TPSB2: variants seen among roughly 807,000 people sequenced by gnomAD.
The protein encoded by TPSB2 is tryptase beta-2.
Under a neutral mutation model 19.8 loss-of-function variants are expected in TPSB2, and 13 were observed. That is an observed-to-expected ratio of 0.66 (90% CI 0.43 to 1.04). The LOEUF (loss-of-function observed/expected upper bound fraction) is 1.04, where lower values mean the gene tolerates loss of function less well. Among genes scored for constraint, TPSB2 ranks in the 50% least tolerant of loss-of-function variants. The probability of loss-of-function intolerance (pLI) is 0.00; values close to 1 mark genes in which losing one functional copy is unlikely to be tolerated. For synonymous variants in TPSB2, 78 were observed against 116.4 expected (o/e 0.67, Z 2.12); for missense variants, 196 against 259.9 (o/e 0.75, Z 1.69).
At position 1,228,680 on chromosome 16, in the gene TPSB2, C is replaced by G. The variant is rs780498766; in HGVS notation, c.798G>C (p.Trp266Cys). 6.9e-6 allele frequency: 11 copies of G among 1,602,206 alleles called. No individual in the cohort carries two copies. The highest frequency in any genetic ancestry group is 2.6e-6 in the Non-Finnish European group (3 of 1,176,178). The change falls in exon 6 of 6, where the codon TGG becomes TGC. Residue 266 changes from tryptophan (W) to cysteine (C), a missense_variant. Trp to Cys is a radical substitution (Grantham distance 215). This residue lies in a region of TPSB2 where 109 missense variants were observed against 110.2 expected (regional missense o/e 0.99). Coordinates refer to ENST00000606293, the MANE Select transcript of TPSB2 (RefSeq NM_024164.6). The stretch of plus-strand genomic sequence containing the variant: ...GCTTTTTGGGGACATAGTGGTGGAT[C>G]CAGTCCAAGTAGTAGGTGACACGGG... Reference protein sequence around the residue: ...IYTRVTYYLDWIHHYVPKKP With the variant: ...IYTRVTYYLDCIHHYVPKKP
Position 1,228,972 on chromosome 16 carries a change from G to T in TPSB2, c.591C>A (p.Tyr197Ter). The T allele has an allele frequency of 2.0e-6, 1 of 489,168 alleles. No individual in the cohort carries two copies. The highest frequency in any genetic ancestry group is 2.1e-5 in the South Asian group (1 of 46,530). The allele number at this position is 489,168 out of a possible 1,614,324, so 30.3% of individuals were successfully genotyped here. ...ICDAKYHLGA[Y>*]TGDDVRIVRD... ...GGACGATGCGGACGTCGTCTCCCGT[G>T]TAGGCGCCAAGGTGGTATTTTGCGT... is the stretch of plus-strand genomic sequence containing the variant. Residue 197 changes from tyrosine (Y) to a stop codon, truncating the protein, a stop_gained, in exon 5 of 6, where the codon TAC (tyrosine) becomes TAA (stop). Coordinates refer to ENST00000606293, the MANE Select transcript of TPSB2 (RefSeq NM_024164.6). LOFTEE classifies it high-confidence loss of function.
chr16:1,229,642 G>C lies in TPSB2; in HGVS notation c.157C>G (p.Arg53Gly), dbSNP rs771612604. 3.1e-6 allele frequency: 5 copies of C among 1,604,322 alleles called. No homozygotes were observed. The highest frequency in any genetic ancestry group is 2.8e-5 in the African/African-American group (2 of 70,726). ...PWQVSLRVRD[R>G]YWMHFCGGSL... ...CCCCCGCAGAAGTGCATCCAGTATCGGTCGCGGACTCTCAGGCTCACCTGC... is the reference window on the plus strand; with the variant it reads ...CCCCCGCAGAAGTGCATCCAGTATCCGTCGCGGACTCTCAGGCTCACCTGC... Residue 53 changes from arginine (R) to glycine (G), a missense_variant, in exon 3 of 6, where the codon CGA (arginine) becomes GGA (glycine). Arg to Gly is a moderately radical substitution (Grantham distance 125). Coordinates refer to ENST00000606293, the MANE Select transcript of TPSB2 (RefSeq NM_024164.6).
chr16:1,229,305 C>A lies in TPSB2; in HGVS notation c.385G>T (p.Glu129Ter). The A allele has an allele frequency of 2.1e-6, 1 of 483,396 alleles. No homozygotes were observed. Among genetic ancestry groups the A allele is most frequent in the Non-Finnish European group, 3.0e-6 (1 of 332,910 alleles). The allele number at this position is 483,396 out of a possible 1,614,324, so 29.9% of individuals were successfully genotyped here. A position where few individuals can be genotyped will look rare whatever the true frequency, so the allele number is the denominator to read the frequency against. Residue 129 changes from glutamate (E) to a stop codon, truncating the protein, a stop_gained, in exon 4 of 6, where the codon GAG (glutamate) becomes TAG (stop). Coordinates refer to ENST00000606293, the MANE Select transcript of TPSB2 (RefSeq NM_024164.6). LOFTEE classifies it high-confidence loss of function. ...GADIALLELE[E>*]PVNVSSHVHT... ...ACGTGGCTGGAGACGTTCACCGGCT[C>A]CTCCAGCTCCAGCAGGGCGATGTCC...
In TPSB2 at chr16:1,229,751, C is replaced by G; in HGVS notation, c.62-14G>C. Reference sequence around the variant, plus strand: ...CCTGGCCTGGGGCTGGGGCAGGTGCCAGGTCAGGACCAGGAAGCAGCCCCA... The same window carrying G: ...CCTGGCCTGGGGCTGGGGCAGGTGCGAGGTCAGGACCAGGAAGCAGCCCCA... On this transcript the variant is annotated splice_polypyrimidine_tract_variant and intron_variant, in intron 2 of 5. Coordinates refer to ENST00000606293, the MANE Select transcript of TPSB2 (RefSeq NM_024164.6). 6.4e-7 allele frequency: 1 copy of G among 1,558,318 alleles called. No individual in the cohort carries two copies. Among genetic ancestry groups the G allele is most frequent in the Non-Finnish European group, 8.6e-7 (1 of 1,158,786 alleles).
At position 1,228,891 on chromosome 16, in the gene TPSB2, G is replaced by A. The variant is rs1247570423; in HGVS notation, c.663+9C>T. 3.8e-6 allele frequency: 1 copy of A among 264,456 alleles called. No homozygotes were observed. The highest frequency in any genetic ancestry group is 6.3e-6 in the Non-Finnish European group (1 of 158,704). The allele number at this position is 264,456 out of a possible 1,614,324, so 16.4% of individuals were successfully genotyped here. ...GGGGGGCGGGGGGCGGGGGACAGGCGGGGCCCACCTGGCATGAGTCCCTCC... is the reference window on the plus strand; with the variant it reads ...GGGGGGCGGGGGGCGGGGGACAGGCAGGGCCCACCTGGCATGAGTCCCTCC... On this transcript the variant is annotated intron_variant, in intron 5 of 5. Coordinates refer to ENST00000606293, the MANE Select transcript of TPSB2 (RefSeq NM_024164.6).
chr16:1,228,615 T>G lies in TPSB2; in HGVS notation c.*35A>C. 1 of 1,225,022 alleles carries G rather than the reference T, an allele frequency of 8.2e-7. No individual in the cohort carries two copies. Among genetic ancestry groups the G allele is most frequent in the Non-Finnish European group, 1.2e-6 (1 of 862,518 alleles). 75.9% of individuals were successfully genotyped at this position (1,225,022 alleles called of 1,614,324 possible). A position where few individuals can be genotyped will look rare whatever the true frequency, so the allele number is the denominator to read the frequency against. On this transcript the variant is annotated 3_prime_UTR_variant, in exon 6 of 6. Coordinates refer to ENST00000606293, the MANE Select transcript of TPSB2 (RefSeq NM_024164.6). Reference sequence around the variant, plus strand: ...GGTGTTTTGAACAGGAGGGGCTGGCTCTCCAGTGACCCAGGTGGACACCCC... The same window carrying G: ...GGTGTTTTGAACAGGAGGGGCTGGCGCTCCAGTGACCCAGGTGGACACCCC...
Position 1,229,648 on chromosome 16 carries a change from G to A in TPSB2, c.151C>T (p.Arg51Cys), listed in dbSNP as rs762374324. Residue 51 changes from arginine to cysteine, a missense_variant, in exon 3 of 6, where the codon CGC (arginine) becomes TGC (cysteine). This residue lies in a region of TPSB2 where 72 missense variants were observed against 80.5 expected (regional missense o/e 0.89). Transcript: ENST00000606293. ...KWPWQVSLRVRDRYWMHFCGG... is the reference protein window; with the variant it reads ...KWPWQVSLRVCDRYWMHFCGG... The stretch of plus-strand genomic sequence containing the variant: ...CAGAAGTGCATCCAGTATCGGTCGC[G>A]GACTCTCAGGCTCACCTGCCAGGGC... The A allele has an allele frequency of 1.1e-5, 18 of 1,604,902 alleles. No individual in the cohort carries two copies. The highest frequency in any genetic ancestry group is 2.8e-5 in the African/African-American group (2 of 71,060).
Position 1,228,650 on chromosome 16 carries a change from T to A in TPSB2, c.828A>T (p.Ter276CysextTer51). The A allele has an allele frequency of 2.5e-6, 4 of 1,602,818 alleles. No individual in the cohort carries two copies. Among genetic ancestry groups the A allele is most frequent in the Non-Finnish European group, 3.4e-6 (4 of 1,176,516 alleles). ...CCCAGGTGGACACCCCAGGCCTGAC[T>A]CACGGCTTTTTGGGGACATAGTGGT... ...WIHHYVPKKP[*>C] The change falls in exon 6 of 6, where the codon TGA becomes TGT. Residue 276 changes from the stop codon to cysteine (C), a stop_lost. Transcript: ENST00000606293.
Position 1,228,916 on chromosome 16 carries a change from C to T in TPSB2, c.647G>A (p.Arg216Gln), listed in dbSNP as rs539743702. 0.089 allele frequency: 30,473 copies of T among 343,770 alleles called. 453 individuals are homozygous for T. The highest frequency in any genetic ancestry group is 0.096 in the Non-Finnish European group (19,638 of 205,036). 21.3% of individuals were successfully genotyped at this position (343,770 alleles called of 1,614,324 possible). A position where few individuals can be genotyped will look rare whatever the true frequency, so the allele number is the denominator to read the frequency against. ...RDDMLCAGNT[R>Q]RDSCQGDSGG... ...GGGGCCCACCTGGCATGAGTCCCTCCGGGTGTTCCCGGCACACAGCATGTC... is the reference window on the plus strand; with the variant it reads ...GGGGCCCACCTGGCATGAGTCCCTCTGGGTGTTCCCGGCACACAGCATGTC... The change falls in exon 5 of 6, where the codon CGG (arginine) becomes CAG (glutamine). Residue 216 changes from arginine (R) to glutamine (Q), a missense_variant. Transcript: ENST00000606293.
At position 1,228,541 on chromosome 16, in the gene TPSB2, C is replaced by A. The variant is rs1447117494; in HGVS notation, c.*109G>T. The A allele has an allele frequency of 9.9e-6, 7 of 705,186 alleles. No homozygotes were observed. The African/African-American group carries it at 1.1e-4, about 11-fold the overall frequency. The allele number at this position is 705,186 out of a possible 1,614,324, so 43.7% of individuals were successfully genotyped here. On this transcript the variant is annotated 3_prime_UTR_variant, in exon 6 of 6. Transcript: ENST00000606293. ...TTAGGACAGGAAGGGGCACTCAGGA[C>A]GGGGCAGGGAAGGTGTGGGGGGCAG...
At position 1,228,845 on chromosome 16, in the gene TPSB2, A is replaced by C. The variant is rs780327813; in HGVS notation, c.664-31T>G. The stretch of plus-strand genomic sequence containing the variant: ...AAGGTCAGAGGTCAGCGCTCGCCGA[A>C]CAGGCCTGGGAGTGGGGGTTGGGGG... On this transcript the variant is annotated intron_variant, in intron 5 of 5. Coordinates refer to ENST00000606293, the MANE Select transcript of TPSB2 (RefSeq NM_024164.6). The C allele has an allele frequency of 0.14, 89,687 of 650,922 alleles. 803 individuals are homozygous for C. The highest frequency in any genetic ancestry group is 0.16 in the Middle Eastern group (281 of 1,716). The allele number at this position is 650,922 out of a possible 1,614,324, so 40.3% of individuals were successfully genotyped here.
In TPSB2 at chr16:1,229,511, G is replaced by C; in HGVS notation, c.233+55C>G. On this transcript the variant is annotated intron_variant, in intron 3 of 5. Transcript: ENST00000606293. ...CTGGGCAGCCCCCAGGAGCACCCGGGAGCCAGGGCTCACATCCAGCCCTTC... is the reference window on the plus strand; with the variant it reads ...CTGGGCAGCCCCCAGGAGCACCCGGCAGCCAGGGCTCACATCCAGCCCTTC... The C allele has an allele frequency of 3.8e-6, 5 of 1,332,938 alleles. No individual in the cohort carries two copies. The South Asian group carries it at 8.2e-5, about 22-fold the overall frequency. 82.6% of individuals were successfully genotyped at this position (1,332,938 alleles called of 1,614,324 possible). A position where few individuals can be genotyped will look rare whatever the true frequency, so the allele number is the denominator to read the frequency against.
rs1678428318 is a variant in TPSB2, at chr16:1,229,660, T to G, written c.139A>C (p.Ser47Arg). The G allele has an allele frequency of 2.5e-6, 4 of 1,606,426 alleles. No homozygotes were observed. Among genetic ancestry groups the G allele is most frequent in the Non-Finnish European group, 3.4e-6 (4 of 1,179,374 alleles). ...APRSKWPWQV[S>R]LRVRDRYWMH... is the part of the protein sequence containing the mutation. ...CAGTATCGGTCGCGGACTCTCAGGC[T>G]CACCTGCCAGGGCCACTTGCTCCTG... The change falls in exon 3 of 6, where the codon AGC becomes CGC. Residue 47 changes from serine to arginine, a missense_variant. Ser to Arg is a moderately radical substitution (Grantham distance 110, BLOSUM62 -1). This residue lies in a region of TPSB2 where 72 missense variants were observed against 80.5 expected (regional missense o/e 0.89). Coordinates refer to ENST00000606293, the MANE Select transcript of TPSB2 (RefSeq NM_024164.6).
rs1418979188 is a variant in TPSB2 at position 1,228,556 on chromosome 16, G to A, written c.*94C>T. 4 of 1,216,772 alleles carry A rather than the reference G, an allele frequency of 3.3e-6. No homozygotes were observed. The highest frequency in any genetic ancestry group is 1.5e-5 in the African/African-American group (1 of 64,658). 75.4% of individuals were successfully genotyped at this position (1,216,772 alleles called of 1,614,324 possible). On this transcript the variant is annotated 3_prime_UTR_variant, in exon 6 of 6. Transcript: ENST00000606293. ...GCACTCAGGACGGGGCAGGGAAGGTGTGGGGGGCAGTCGCCACCTGGGTAG... is the reference window on the plus strand; with the variant it reads ...GCACTCAGGACGGGGCAGGGAAGGTATGGGGGGCAGTCGCCACCTGGGTAG...
In TPSB2 at chr16:1,228,606, G is replaced by A; in HGVS notation, c.*44C>T. ...GGAAGCAGTGGTGTTTTGAACAGGA[G>A]GGGCTGGCTCTCCAGTGACCCAGGT... On this transcript the variant is annotated 3_prime_UTR_variant, in exon 6 of 6. Transcript: ENST00000606293. The A allele has an allele frequency of 6.5e-7, 1 of 1,532,150 alleles. No homozygotes were observed. Among genetic ancestry groups the A allele is most frequent in the Non-Finnish European group, 8.9e-7 (1 of 1,122,034 alleles). 94.9% of individuals were successfully genotyped at this position (1,532,150 alleles called of 1,614,324 possible).
chr16:1,228,852 T>C (rs768144337), intron 5 of TPSB2, 38 bp from the exon 6 acceptor site: 63,914 of 320,236 alleles, frequency 0.2, 604 homozygotes, highest in Middle Eastern at 0.23. Context: ...CGAACAGGCC[T>C]GGGAGTGGGG....
chr16:1,229,653 C>T lies in TPSB2; in HGVS notation c.146G>A (p.Arg49Lys). 1 of 1,605,996 alleles carries T rather than the reference C, an allele frequency of 6.2e-7. No individual in the cohort carries two copies. Among genetic ancestry groups the T allele is most frequent in the South Asian group, 1.1e-5 (1 of 90,342 alleles). Residue 49 changes from arginine to lysine, a missense_variant, in exon 3 of 6, where the codon AGA becomes AAA. Physicochemically the swap from Arg to Lys is conservative, Grantham distance 26. This residue lies in a region of TPSB2 where 72 missense variants were observed against 80.5 expected (regional missense o/e 0.89). Coordinates refer to ENST00000606293, the MANE Select transcript of TPSB2 (RefSeq NM_024164.6). Reference protein sequence around the residue: ...RSKWPWQVSLRVRDRYWMHFC... With the variant: ...RSKWPWQVSLKVRDRYWMHFC... ...GTGCATCCAGTATCGGTCGCGGACT[C>T]TCAGGCTCACCTGCCAGGGCCACTT...
rs2030334507 is a variant in TPSB2 at position 1,229,670 on chromosome 16, G to A, written c.129C>T (p.Pro43=). The change falls in exon 3 of 6, where the codon CCC becomes CCT. Residue 43 remains proline, a synonymous_variant. Transcript: ENST00000606293. ...CGCGGACTCTCAGGCTCACCTGCCA[G>A]GGCCACTTGCTCCTGGGGGCCTCCT... ...GGQEAPRSKW[P]WQVSLRVRDR... 1.2e-6 allele frequency: 2 copies of A among 1,607,214 alleles called. No homozygotes were observed. The highest frequency in any genetic ancestry group is 1.7e-5 in the Admixed American group (1 of 59,674).
Position 1,229,000 on chromosome 16 carries a change from C to G in TPSB2, c.563G>C (p.Cys188Ser). 1 of 467,180 alleles carries G rather than the reference C, an allele frequency of 2.1e-6. No individual in the cohort carries two copies. Among genetic ancestry groups the G allele is most frequent in the East Asian group, 3.3e-5 (1 of 30,332 alleles). 28.9% of individuals were successfully genotyped at this position (467,180 alleles called of 1,614,324 possible). A position where few individuals can be genotyped will look rare whatever the true frequency, so the allele number is the denominator to read the frequency against. ...GGCGCCAAGGTGGTATTTTGCGTCA[C>G]AAATGTGGTTTTCCATTATGGGGAC... Reference protein sequence around the residue: ...VKVPIMENHICDAKYHLGAYT... With the variant: ...VKVPIMENHISDAKYHLGAYT... Residue 188 changes from cysteine (C) to serine (S), a missense_variant, in exon 5 of 6, where the codon TGT (cysteine) becomes TCT (serine). By Grantham distance (112) the Cys-to-Ser change is moderately radical (BLOSUM62 -1). This residue lies in a region of TPSB2 where 109 missense variants were observed against 110.2 expected (regional missense o/e 0.99). Transcript: ENST00000606293.
Sources: allele counts gnomAD v4.1 joint callset, GRCh38; gene constraint gnomAD v4.1.1; regional missense constraint gnomAD v4.1.1; transcripts MANE v1.5; gene names NCBI Gene and HGNC (gene_info 2026-07-23, HGNC 2026-07-21).